EPHA6: variants seen among roughly 807,000 people sequenced by gnomAD.
EPHA6 encodes EPH receptor A6.
EPHA6 carries 50 observed loss-of-function variants against 112.0 expected under a neutral mutation model. The observed-to-expected ratio is 0.45, with a 90% CI of 0.36 to 0.56. EPHA6 has a LOEUF of 0.56. EPHA6 is among the 20% of genes least tolerant of loss of function. The pLI is 0.00. For synonymous variants in EPHA6, 529 were observed against 490.7 expected, an observed-to-expected ratio of 1.08 and a Z score of -1.03; for missense variants, 1,280 against 1,417.4, an observed-to-expected ratio of 0.90 and a Z score of 1.56.
chr3:97,523,346 C>G (rs532685761), intron 10 of EPHA6, among the ~76,000 whole-genome samples: 1 of 152,006 alleles, frequency 6.6e-6, no homozygotes, highest in Non-Finnish European at 1.5e-5. Flanking sequence ...TCCAGAATTT[C>G]TCCTTTATTA....
chr3:97,615,459 G>A (rs1239894105), intron 13 of EPHA6, among the ~76,000 whole-genome samples: 1 of 152,144 alleles, frequency 6.6e-6, no homozygotes, highest in East Asian at 1.9e-4. Context: ...AATCCAGGGG[G>A]CAGAGCAGCA....
At chr3:97,518,234 C>T (rs577047581) in intron 10 of EPHA6, among the ~76,000 whole-genome samples, 108 of 152,260 alleles carry the variant, frequency 7.1e-4, no homozygotes, top group Non-Finnish European at 1.3e-3. Context: ...CCTTTCTGCA[C>T]GCTCTCATGA....
chr3:97,040,388 A>G (rs1479587573), intron 3 of EPHA6, among the ~76,000 whole-genome samples: 1 of 152,064 alleles, frequency 6.6e-6, no homozygotes, highest in Non-Finnish European at 1.5e-5. Flanking sequence ...TTCATAACAT[A>G]AAACAACTTC....
intron 3 of EPHA6, among the ~76,000 whole-genome samples, chr3:97,158,288 A>C (rs202123344): frequency 6.6e-6 from 1 of 152,150 alleles, no homozygotes; most frequent in African/African-American, 2.4e-5. Flanking sequence ...CACACACACA[A>C]ATTTATTACA....
At chr3:97,511,315 C>T (rs752486803) in intron 10 of EPHA6, among the ~76,000 whole-genome samples, 17 of 152,090 alleles carry the variant, frequency 1.1e-4, no homozygotes, top group Non-Finnish European at 1.8e-4. Flanking sequence ...GTGGTGTATG[C>T]ACCCAAGGGA....
chr3:96,910,165 A>G (rs1204074303), intron 2 of EPHA6, among the ~76,000 whole-genome samples: 1 of 152,086 alleles, frequency 6.6e-6, no homozygotes, highest in Non-Finnish European at 1.5e-5. Flanking sequence ...AAATAATTAT[A>G]TAAGACAAGA....
intron 11 of EPHA6, among the ~76,000 whole-genome samples, chr3:97,590,841 A>T (rs926883267): frequency 6.6e-6 from 1 of 152,232 alleles, no homozygotes; most frequent in East Asian, 1.9e-4. Flanking sequence ...CCCACTTGGT[A>T]TTCAATGATG....
At chr3:97,544,045 A>C (rs188974379) in intron 11 of EPHA6, among the ~76,000 whole-genome samples, 30 of 152,308 alleles carry the variant, frequency 2.0e-4, no homozygotes, top group African/African-American at 7.2e-4. Flanking sequence ...CAACAGGGAC[A>C]ATTTGACTTC....
At chr3:97,126,787 A>T (rs1365572795) in intron 3 of EPHA6, among the ~76,000 whole-genome samples, 1 of 152,092 alleles carries the variant, frequency 6.6e-6, no homozygotes, top group Admixed American at 6.6e-5. Flanking sequence ...TAAAACTAGC[A>T]TATTAATTCA....
chr3:97,176,067 G>T (rs918410040), intron 3 of EPHA6, among the ~76,000 whole-genome samples: 3 of 151,786 alleles, frequency 2.0e-5, no homozygotes, highest in Admixed American at 6.6e-5. Flanking sequence ...TTATGAAGAG[G>T]TGTGTTCTTT....
chr3:97,688,839 G>T (rs1437160697), intron 14 of EPHA6, among the ~76,000 whole-genome samples: 1 of 151,896 alleles, frequency 6.6e-6, no homozygotes, highest in Non-Finnish European at 1.5e-5. Flanking sequence ...ATATAGGAAA[G>T]AAATAATTAT....
At chr3:96,935,725 TTA>T (rs201811538) in intron 2 of EPHA6, among the ~76,000 whole-genome samples, 10,050 of 144,192 alleles carry the variant, frequency 0.07, 682 homozygotes, top group Admixed American at 0.21. Context: ...TATATATACA[TTA>T]TATATATATA....
At chr3:97,333,528 C>T (rs534823516) in intron 5 of EPHA6, among the ~76,000 whole-genome samples, 30 of 132,736 alleles carry the variant, frequency 2.3e-4, no homozygotes, top group East Asian at 4.4e-4. Flanking sequence ...GGCTGGAGTG[C>T]GGTGGTGCAA....
intron 10 of EPHA6, among the ~76,000 whole-genome samples, chr3:97,485,182 T>C (rs1037658155): frequency 5.3e-5 from 8 of 152,202 alleles, no homozygotes; most frequent in African/African-American, 1.7e-4. Flanking sequence ...GTCATGTCTT[T>C]ACAAAGGCCA....
Position 97,421,195 on chromosome 3 carries a change from AAAAAT to A in EPHA6, c.1731+15936_1731+15940del, listed in dbSNP as rs556586822. Among the ~76,000 whole-genome samples, 11 of 152,190 alleles carry A rather than the reference AAAAAT, an allele frequency of 7.2e-5. No homozygotes were observed. In the South Asian group the frequency reaches 2.3e-3, roughly 32 times the overall value. ...GAGGATCTCGCCATTCCAATGGGAT[AAAAAT>A]AAAATAAAATAAAAGCATATATGTT... On this transcript the variant is annotated intron_variant, in intron 6 of 17. Coordinates refer to ENST00000389672, the MANE Select transcript of EPHA6 (RefSeq NM_001080448.3).
chr3:97,206,949 C>T (rs1323108148), intron 3 of EPHA6, among the ~76,000 whole-genome samples: 1 of 152,062 alleles, frequency 6.6e-6, no homozygotes, highest in Non-Finnish European at 1.5e-5. Flanking sequence ...ATGAAAATTA[C>T]ATATGCTTTC....
At chr3:97,536,366 G>A (rs2092763913) in intron 11 of EPHA6, among the ~76,000 whole-genome samples, 1 of 152,136 alleles carries the variant, frequency 6.6e-6, no homozygotes, top group Non-Finnish European at 1.5e-5. Context: ...AGAGAAAAAT[G>A]AAGTGCCTAC....
At chr3:97,594,717 T>G (rs1200514199) in intron 12 of EPHA6, among the ~76,000 whole-genome samples, 1 of 152,180 alleles carries the variant, frequency 6.6e-6, no homozygotes, top group Non-Finnish European at 1.5e-5. Context: ...TTATATTTTT[T>G]AAAAAAACTA....
At chr3:97,717,583 T>C (rs371796013) in intron 14 of EPHA6, among the ~76,000 whole-genome samples, 56 of 152,292 alleles carry the variant, frequency 3.7e-4, no homozygotes, top group African/African-American at 1.3e-3. Flanking sequence ...CATCTTCTTA[T>C]AAGGAAAGAA....
Sources: allele counts gnomAD v4.1 joint callset (sites outside exome capture counted in the v4.1 genomes callset), GRCh38; gene constraint gnomAD v4.1.1; transcripts MANE v1.5; gene names NCBI Gene and HGNC (gene_info 2026-07-23, HGNC 2026-07-21).